The following THSD4 variants were observed in gnomAD, a reference collection of about 807,000 sequenced individuals.
The protein encoded by THSD4 is thrombospondin type 1 domain containing 4.
A neutral mutation model predicts 119.0 loss-of-function variants in THSD4; 69 were observed. The ratio of observed to expected loss-of-function variants is 0.58; its 90% CI spans 0.48 to 0.71. The LOEUF is 0.71. THSD4 is among the 30% of genes least tolerant of loss of function. The pLI is 0.00. For synonymous variants in THSD4, 524 were observed against 540.4 expected, an observed-to-expected ratio of 0.97 and a Z score of 0.42; for missense variants, 1,393 against 1,391.1, an observed-to-expected ratio of 1.00 and a Z score of -0.02.
At chr15:71,276,075 T>G (rs1479136495) in intron 6 of THSD4, among the ~76,000 whole-genome samples, 1 of 152,224 alleles carries the variant, frequency 6.6e-6, no homozygotes, top group African/African-American at 2.4e-5. Flanking sequence ...GTGAGAACAC[T>G]CCATGAATCA....
chr15:71,445,302 T>C (rs144188430), intron 7 of THSD4, among the ~76,000 whole-genome samples: 139 of 152,308 alleles, frequency 9.1e-4, no homozygotes, highest in African/African-American at 3.1e-3. Flanking sequence ...TCCCCACAGA[T>C]GCACAGAAAA....
intron 10 of THSD4, 53 bp from the exon 11 acceptor site, chr15:71,737,679 A>C (rs575133169): frequency 2.2e-4 from 337 of 1,520,296 alleles, no homozygotes; most frequent in Admixed American, 3.5e-4. Context: ...CCTCTTTACA[A>C]CTCAGGGTCT....
intron 8 of THSD4, among the ~76,000 whole-genome samples, chr15:71,694,017 A>AG (rs1009655605): frequency 1.3e-5 from 2 of 151,432 alleles, no homozygotes; most frequent in African/African-American, 4.9e-5. Context: ...CCTGTCTCAA[A>AG]AAAAAAAAAG....
Position 71,619,919 on chromosome 15 carries a change from A to G in THSD4, c.1153-40611A>G, listed in dbSNP as rs2140925708. ...AATATTTCTTCTGTTCAGCTAGTAT[A>G]TATTCGACATATTCTCCATCAAGTG... is the stretch of plus-strand genomic sequence containing the variant. On this transcript the variant is annotated intron_variant, in intron 7 of 17. Transcript: ENST00000261862. 2.0e-5 allele frequency among the ~76,000 whole-genome samples: 3 copies of G among 152,356 alleles called. 1 individual carries two copies. In the East Asian group the frequency reaches 5.8e-4, roughly 29 times the overall value.
At chr15:71,209,481 T>G (rs2043871635) in intron 3 of THSD4, among the ~76,000 whole-genome samples, 1 of 152,200 alleles carries the variant, frequency 6.6e-6, no homozygotes, top group South Asian at 2.1e-4. Context: ...TCCACTGGGC[T>G]TCTTCTGTCT....
At chr15:71,305,440 T>C (rs1359554668) in intron 6 of THSD4, among the ~76,000 whole-genome samples, 2 of 152,106 alleles carry the variant, frequency 1.3e-5, no homozygotes, top group Admixed American at 6.5e-5. Flanking sequence ...AGGGGGCCCA[T>C]TGGAGGGAGG....
chr15:71,372,116 G>C (rs560520100), intron 6 of THSD4, among the ~76,000 whole-genome samples: 98 of 152,280 alleles, frequency 6.4e-4, no homozygotes, highest in African/African-American at 2.2e-3. Flanking sequence ...TTGTGCCATG[G>C]TTTTCAGCTC....
chr15:71,436,104 G>A (rs777242721), intron 7 of THSD4, among the ~76,000 whole-genome samples: 2 of 152,146 alleles, frequency 1.3e-5, no homozygotes, highest in Non-Finnish European at 2.9e-5. Context: ...ACCCTCATCC[G>A]GTTTTCATTT....
chr15:71,358,554 C>T (rs978079279), intron 6 of THSD4, among the ~76,000 whole-genome samples: 4 of 152,156 alleles, frequency 2.6e-5, no homozygotes, highest in Non-Finnish European at 5.9e-5. Flanking sequence ...CATATTCTGG[C>T]TAAGCCACTT....
intron 8 of THSD4, among the ~76,000 whole-genome samples, chr15:71,684,891 G>A (rs1455094808): frequency 6.6e-6 from 1 of 151,992 alleles, no homozygotes; most frequent in Non-Finnish European, 1.5e-5. Flanking sequence ...AGAAATTACT[G>A]CTAACTTGTA....
At chr15:71,708,305 CTG>C (rs1200887988) in intron 8 of THSD4, among the ~76,000 whole-genome samples, 1 of 152,206 alleles carries the variant, frequency 6.6e-6, no homozygotes. Flanking sequence ...AGTTTTATGA[CTG>C]TTTTTCATCC....
At chr15:71,199,895 GT>G (rs1567155092) in intron 3 of THSD4, among the ~76,000 whole-genome samples, 5 of 142,138 alleles carry the variant, frequency 3.5e-5, no homozygotes, top group East Asian at 4.1e-4. Context: ...TGTGTGGTAT[GT>G]GTGTGTGGTG....
At chr15:71,718,990 AC>A (rs1395847022) in intron 8 of THSD4, among the ~76,000 whole-genome samples, 1 of 152,146 alleles carries the variant, frequency 6.6e-6, no homozygotes, top group Admixed American at 6.6e-5. Context: ...TTCTTATTAT[AC>A]CATAGGTGGG....
At chr15:71,471,316 G>A (rs982239199) in intron 7 of THSD4, among the ~76,000 whole-genome samples, 7 of 152,174 alleles carry the variant, frequency 4.6e-5, no homozygotes, top group African/African-American at 1.7e-4. Flanking sequence ...CTCATGGAGG[G>A]GAGGGACAGG....
chr15:71,134,557 AC>A (rs2040532111), intron 1 of THSD4, among the ~76,000 whole-genome samples: 1 of 151,948 alleles, frequency 6.6e-6, no homozygotes, highest in Admixed American at 6.6e-5. Context: ...TCACCCATTC[AC>A]CCATTCATTC....
At chr15:71,738,088 G>C (rs776421295) in intron 11 of THSD4, 81 bp downstream of exon 11, 2 of 1,533,162 alleles carry the variant, frequency 1.3e-6, no homozygotes, top group African/African-American at 2.7e-5. Flanking sequence ...AGCGGTCCCC[G>C]GCTTTTTTGG....
At chr15:71,630,976 T>C (rs1254782627) in intron 7 of THSD4, among the ~76,000 whole-genome samples, 2 of 152,196 alleles carry the variant, frequency 1.3e-5, no homozygotes, top group Admixed American at 6.5e-5. Context: ...CCCCACCAGA[T>C]GCCATCATGC....
At chr15:71,241,624 G>C (rs1000365296) in intron 4 of THSD4, among the ~76,000 whole-genome samples, 8 of 152,292 alleles carry the variant, frequency 5.3e-5, no homozygotes, top group African/African-American at 1.9e-4. Flanking sequence ...CTGCTCACCA[G>C]AGCTCACTGT....
chr15:71,737,368 A>G (rs536039124), intron 10 of THSD4, among the ~76,000 whole-genome samples: 1 of 152,194 alleles, frequency 6.6e-6, no homozygotes. Context: ...AGGGTTTCCA[A>G]ACTTTCCAAT....
Sources: allele counts gnomAD v4.1 joint callset (sites outside exome capture counted in the v4.1 genomes callset), GRCh38; gene constraint gnomAD v4.1.1; transcripts MANE v1.5; gene names NCBI Gene and HGNC (gene_info 2026-07-23, HGNC 2026-07-21).